Variants in LNX2 observed in about 807,000 individuals in gnomAD.
LNX2 encodes ligand of numb-protein X 2.
In LNX2, 35 loss-of-function variants were observed where a neutral mutation model predicts 66.2. That is an observed-to-expected ratio of 0.53 (90% CI 0.40 to 0.70). LNX2 has a LOEUF of 0.70. Among genes scored for constraint, LNX2 ranks in the 30% least tolerant of loss-of-function variants. The probability of loss-of-function intolerance (pLI) is 0.00; values close to 1 mark genes in which losing one functional copy is unlikely to be tolerated. For synonymous variants in LNX2, 337 were observed against 315.6 expected, an observed-to-expected ratio of 1.07 and a Z score of -0.72; for missense variants, 791 against 850.8, an observed-to-expected ratio of 0.93 and a Z score of 0.87.
At chr13:27,608,168 A>T (rs1311865090) in intron 1 of LNX2, among the ~76,000 whole-genome samples, 1 of 152,222 alleles carries the variant, frequency 6.6e-6, no homozygotes, top group East Asian at 1.9e-4. Flanking sequence ...TTATCTTAGG[A>T]CCTGCAGTCA....
At chr13:27,583,988 G>C (rs907973132) in intron 1 of LNX2, among the ~76,000 whole-genome samples, 2 of 152,056 alleles carry the variant, frequency 1.3e-5, no homozygotes, top group Non-Finnish European at 2.9e-5. Context: ...AATGGACAAG[G>C]GCACCTTGGG....
chr13:27,572,470 T>TGGGCTGA (rs1298930294), intron 2 of LNX2, among the ~76,000 whole-genome samples: 1 of 152,232 alleles, frequency 6.6e-6, no homozygotes, highest in African/African-American at 2.4e-5. Flanking sequence ...CAATCTGCCA[T>TGGGCTGA]GGGCTGAGGG....
intron 1 of LNX2, among the ~76,000 whole-genome samples, chr13:27,597,214 T>C (rs1955608286): frequency 1.3e-5 from 2 of 152,140 alleles, no homozygotes; most frequent in East Asian, 3.9e-4. Flanking sequence ...ACTCAATATT[T>C]TGAGAAACAC....
At chr13:27,587,598 AAAG>A (rs1190220482) in intron 1 of LNX2, among the ~76,000 whole-genome samples, 7 of 152,238 alleles carry the variant, frequency 4.6e-5, no homozygotes, top group Admixed American at 2.6e-4. Context: ...ACAAATGCAC[AAAG>A]AATAAGGTAA....
At chr13:27,569,862 G>C (rs1479230312) in intron 2 of LNX2, among the ~76,000 whole-genome samples, 1 of 152,160 alleles carries the variant, frequency 6.6e-6, no homozygotes, top group African/African-American at 2.4e-5. Flanking sequence ...CTCCTAGTTT[G>C]TGAAATTAGA....
At chr13:27,571,196 G>A (rs1469093956) in intron 2 of LNX2, among the ~76,000 whole-genome samples, 4 of 152,178 alleles carry the variant, frequency 2.6e-5, no homozygotes, top group East Asian at 3.9e-4. Context: ...CAACTAGACA[G>A]AAGGAGATTA....
intron 2 of LNX2, among the ~76,000 whole-genome samples, chr13:27,570,861 G>A (rs775446982): frequency 2.6e-5 from 4 of 152,134 alleles, no homozygotes; most frequent in East Asian, 1.9e-4. Context: ...GACAGATTAT[G>A]TACACCTGGG....
intron 1 of LNX2, among the ~76,000 whole-genome samples, chr13:27,603,934 T>G (rs1397481501): frequency 6.6e-6 from 1 of 151,498 alleles, no homozygotes; most frequent in Non-Finnish European, 1.5e-5. Flanking sequence ...TTTGCTGTTT[T>G]TCTGAAATGT....
rs1566124864 is a variant in LNX2 at position 27,583,253 on chromosome 13, TGTGCGCGC to T, written c.-100-1458_-100-1451del. 4.5e-4 allele frequency among the ~76,000 whole-genome samples: 21 copies of T among 46,924 alleles called. 6 individuals are homozygous for T. The highest frequency in any genetic ancestry group is 1.6e-3 in the East Asian group (2 of 1,242). The allele number at this position is 46,924 out of a possible 152,430, so 30.8% of individuals were successfully genotyped here. The stretch of plus-strand genomic sequence containing the variant: ...GTGTGTGTGTGTGTGTGTGTGTGTG[TGTGCGCGC>T]GTCCTCTCCAACATACTTATTTTTA... On this transcript the variant is annotated intron_variant, in intron 1 of 9. Coordinates refer to ENST00000316334, the MANE Select transcript of LNX2 (RefSeq NM_153371.4).
At chr13:27,602,031 C>T (rs1310508720) in intron 1 of LNX2, among the ~76,000 whole-genome samples, 2 of 152,066 alleles carry the variant, frequency 1.3e-5, no homozygotes, top group African/African-American at 4.8e-5. Flanking sequence ...ATGCAGAAGT[C>T]AGTACACTCC....
chr13:27,606,234 T>C (rs984013477), intron 1 of LNX2, among the ~76,000 whole-genome samples: 1 of 152,210 alleles, frequency 6.6e-6, no homozygotes, highest in African/African-American at 2.4e-5. Context: ...ATATGTTTTA[T>C]TTCATGGTTG....
chr13:27,581,473 A>G lies in LNX2; in HGVS notation c.231T>C (p.Phe77=), dbSNP rs779727483. 2 of 1,611,214 alleles carry G rather than the reference A, an allele frequency of 1.2e-6. No individual in the cohort carries two copies. The highest frequency in any genetic ancestry group is 2.2e-5 in the East Asian group (1 of 44,802). Residue 77 remains phenylalanine (F), a synonymous_variant, in exon 2 of 10, where the codon TTT becomes TTC. Coordinates refer to ENST00000316334, the MANE Select transcript of LNX2 (RefSeq NM_153371.4). ...HTFCYKCLRN[F]LQEKDFCPLD... ...ACGGACAGAAATCTTTCTCTTGTAA[A>G]AAGTTTCTGAGGCACTTGTAGCAGA...
At chr13:27,548,540 A>G in intron 9 of LNX2, 70 bp from the exon 10 acceptor site, 1 of 1,510,096 alleles carries the variant, frequency 6.6e-7, no homozygotes, top group Non-Finnish European at 9.0e-7. Flanking sequence ...ATTGAGATTT[A>G]TGTAGCATGA....
At chr13:27,574,781 A>G (rs55912051) in intron 2 of LNX2, among the ~76,000 whole-genome samples, 1 of 152,284 alleles carries the variant, frequency 6.6e-6, no homozygotes, top group African/African-American at 2.4e-5. Flanking sequence ...AACTGGTGAA[A>G]GCCAAAGATA....
chr13:27,598,030 A>G (rs1018937686), intron 1 of LNX2, among the ~76,000 whole-genome samples: 2 of 152,170 alleles, frequency 1.3e-5, no homozygotes, highest in Admixed American at 6.5e-5. Flanking sequence ...CTTTCAATTT[A>G]CAACAAATGT....
chr13:27,559,100 A>T (rs570052403), intron 6 of LNX2, among the ~76,000 whole-genome samples: 1 of 152,176 alleles, frequency 6.6e-6, no homozygotes, highest in African/African-American at 2.4e-5. Context: ...TAAGAGTTCA[A>T]ATGAAGGATG....
Position 27,560,009 on chromosome 13 carries a change from C to T in LNX2, c.1225-24G>A, listed in dbSNP as rs568760330. On this transcript the variant is annotated intron_variant, in intron 5 of 9. Coordinates refer to ENST00000316334, the MANE Select transcript of LNX2 (RefSeq NM_153371.4). ...GCCTGGAGAAAACACAAATACATTACCATAAGTGACTAATGATGTTTGTCA... is the reference window on the plus strand; with the variant it reads ...GCCTGGAGAAAACACAAATACATTATCATAAGTGACTAATGATGTTTGTCA... The T allele has an allele frequency of 6.5e-5, 101 of 1,550,306 alleles. No homozygotes were observed. In the Admixed American group the frequency reaches 1.2e-3, roughly 18 times the overall value.
intron 1 of LNX2, among the ~76,000 whole-genome samples, chr13:27,616,157 T>C (rs1440679028): frequency 3.7e-5 from 1 of 27,372 alleles, no homozygotes; most frequent in African/African-American, 1.8e-4. Flanking sequence ...GGTGGGACAA[T>C]TGCAGGGGGT....
At chr13:27,616,810 C>T (rs1011068676) in intron 1 of LNX2, among the ~76,000 whole-genome samples, 5 of 152,316 alleles carry the variant, frequency 3.3e-5, no homozygotes, top group South Asian at 2.1e-4. Flanking sequence ...AGCGCAGTGG[C>T]GCAATCTCAG....
Sources: gnomAD v4.1 joint callset for allele counts (sites outside exome capture counted in the v4.1 genomes callset) on GRCh38, gnomAD v4.1.1 for gene constraint, MANE v1.5 for transcripts, NCBI Gene and HGNC (gene_info 2026-07-23, HGNC 2026-07-21) for gene names.